CTNNA2: variants seen among roughly 807,000 people sequenced by gnomAD.
CTNNA2 encodes the protein catenin alpha-2.
A neutral mutation model predicts 101.0 loss-of-function variants in CTNNA2; 42 were observed. That is an observed-to-expected ratio of 0.42 (90% CI 0.32 to 0.54). The LOEUF (loss-of-function observed/expected upper bound fraction) is 0.54, where lower values mean the gene tolerates loss of function less well. Ranked by LOEUF, CTNNA2 falls within the 20% of genes least tolerant of loss-of-function variation. The probability of loss-of-function intolerance (pLI) is 0.14; values close to 1 mark genes in which losing one functional copy is unlikely to be tolerated. For synonymous variants in CTNNA2, 450 were observed against 456.4 expected (o/e 0.99, Z 0.18); for missense variants, 871 against 1,223.1 (o/e 0.71, Z 4.29).
intron 9 of CTNNA2, among the ~76,000 whole-genome samples, chr2:80,533,837 C>T (rs529479470): frequency 9.9e-5 from 15 of 152,268 alleles, no homozygotes; most frequent in African/African-American, 3.6e-4. Context: ...ATTAAAAGGG[C>T]ATTACATTCC....
intron 9 of CTNNA2, among the ~76,000 whole-genome samples, chr2:80,478,769 G>C (rs1685917877): frequency 6.6e-6 from 1 of 151,950 alleles, no homozygotes; most frequent in Admixed American, 6.6e-5. Flanking sequence ...AGCTGTTTTG[G>C]TTACTATAGC....
intron 2 of CTNNA2, among the ~76,000 whole-genome samples, chr2:79,267,185 C>G (rs1674997237): frequency 6.6e-6 from 1 of 152,080 alleles, no homozygotes; most frequent in Non-Finnish European, 1.5e-5. Context: ...GCAGCCTTCT[C>G]TTGCCTGGAG....
intron 7 of CTNNA2, among the ~76,000 whole-genome samples, chr2:80,076,021 A>G (rs1428547172): frequency 6.6e-6 from 1 of 151,696 alleles, no homozygotes; most frequent in African/African-American, 2.4e-5. Flanking sequence ...TGGAACCATA[A>G]GAAATAAATA....
intron 9 of CTNNA2, among the ~76,000 whole-genome samples, chr2:80,469,534 T>G (rs1051970345): frequency 2.0e-5 from 3 of 152,212 alleles, no homozygotes; most frequent in Admixed American, 1.3e-4. Flanking sequence ...TAGACACTAG[T>G]AGCTAGTAGA....
chr2:79,889,989 A>T (rs963803266), intron 6 of CTNNA2, among the ~76,000 whole-genome samples: 3 of 152,212 alleles, frequency 2.0e-5, no homozygotes, highest in African/African-American at 7.2e-5. Flanking sequence ...TCTTGGTGTA[A>T]GAGTGATTCT....
chr2:79,487,823 A>G (rs1444009976), intron 4 of CTNNA2, among the ~76,000 whole-genome samples: 1 of 152,220 alleles, frequency 6.6e-6, no homozygotes, highest in Non-Finnish European at 1.5e-5. Flanking sequence ...TTAAGCCACC[A>G]TGTTTTGGGA....
intron 2 of CTNNA2, among the ~76,000 whole-genome samples, chr2:79,302,804 A>G (rs1226072153): frequency 6.6e-6 from 1 of 152,200 alleles, no homozygotes; most frequent in Non-Finnish European, 1.5e-5. Context: ...CCATAATAAT[A>G]AAATTTGCCA....
At chr2:80,519,648 C>A (rs1442509363) in intron 9 of CTNNA2, among the ~76,000 whole-genome samples, 1 of 152,206 alleles carries the variant, frequency 6.6e-6, no homozygotes, top group African/African-American at 2.4e-5. Flanking sequence ...CTGAATTCCA[C>A]GTCCTAGAAA....
At chr2:79,512,696 G>T (rs978921665), upstream of CTNNA2, among the ~76,000 whole-genome samples, 4 of 151,702 alleles carry the variant, frequency 2.6e-5, no homozygotes, top group South Asian at 8.3e-4. Flanking sequence ...TGCGCCCTAC[G>T]GCGGTGCCCC....
chr2:80,072,509 T>C (rs377462946), intron 7 of CTNNA2, among the ~76,000 whole-genome samples: 1 of 152,228 alleles, frequency 6.6e-6, no homozygotes, highest in East Asian at 1.9e-4. Context: ...CTGTTTCTCC[T>C]GTCACATATT....
intron 7 of CTNNA2, among the ~76,000 whole-genome samples, chr2:80,256,021 T>A (rs1043603534): frequency 6.6e-6 from 1 of 152,068 alleles, no homozygotes; most frequent in Non-Finnish European, 1.5e-5. Flanking sequence ...AAATGAAGCT[T>A]TTTCATTGTG....
At position 80,279,789 on chromosome 2, in the gene CTNNA2, G is replaced by A. The variant is rs193036106; in HGVS notation, c.1057-113422G>A. ...AATGCATGGAGATTTCTATGTCATG[G>A]CCTGGGCTCCTGGGAGATTTCCCTG... On this transcript the variant is annotated intron_variant, in intron 7 of 18. Coordinates refer to ENST00000402739, the MANE Select transcript of CTNNA2 (RefSeq NM_001282597.3). Among the ~76,000 whole-genome samples, 375 of 152,216 alleles carry A rather than the reference G, an allele frequency of 2.5e-3. 2 individuals carry two copies. Among genetic ancestry groups the A allele is most frequent in the African/African-American group, 8.5e-3 (351 of 41,538 alleles).
At chr2:80,321,132 A>T (rs1294986240) in intron 7 of CTNNA2, among the ~76,000 whole-genome samples, 1 of 152,244 alleles carries the variant, frequency 6.6e-6, no homozygotes, top group East Asian at 1.9e-4. Flanking sequence ...CCACCTGTAA[A>T]AATGACTGAA....
chr2:79,295,652 T>C (rs1225712082), intron 2 of CTNNA2, among the ~76,000 whole-genome samples: 1 of 152,102 alleles, frequency 6.6e-6, no homozygotes, highest in Admixed American at 6.6e-5. Flanking sequence ...TGGCAGATGC[T>C]GATGTGTTAG....
rs1459524995 is a variant in CTNNA2, at chr2:79,469,047, G to A, written c.-134-36007G>A. Among the ~76,000 whole-genome samples the A allele has an allele frequency of 3.9e-5, 6 of 152,152 alleles. No homozygotes were observed. The South Asian group carries it at 8.3e-4, about 21-fold the overall frequency. On this transcript the variant is annotated intron_variant, in intron 4 of 21. Transcript: ENST00000466387. ...CTAAGATCAGAGCAGAACTGAAGGA[G>A]ACAGAGACACAAAAAACCCTTCAAA...
At position 80,560,251 on chromosome 2, in the gene CTNNA2, T is replaced by C. The variant is rs1374564439; in HGVS notation, c.1741+4358T>C. ...TTTTTCGTTTTACAACATTTCTATA[T>C]ATTTTTGCTTAGAAAGTATAAAAGG... On this transcript the variant is annotated intron_variant, in intron 12 of 18. Transcript: ENST00000402739. Among the ~76,000 whole-genome samples the C allele has an allele frequency of 3.3e-5, 5 of 152,212 alleles. No homozygotes were observed. In the East Asian group the frequency reaches 7.7e-4, roughly 24 times the overall value.
intron 7 of CTNNA2, among the ~76,000 whole-genome samples, chr2:80,295,178 T>C (rs534250019): frequency 6.3e-4 from 95 of 151,638 alleles, no homozygotes; most frequent in African/African-American, 2.2e-3. Context: ...CTAATATCCA[T>C]TGTGGCCACT....
At chr2:79,975,634 G>A (rs1167881870) in intron 7 of CTNNA2, among the ~76,000 whole-genome samples, 3 of 152,118 alleles carry the variant, frequency 2.0e-5, no homozygotes, top group African/African-American at 4.8e-5. Flanking sequence ...CCTCAGGTCC[G>A]ATTAATTTGC....
At chr2:80,236,705 T>C (rs571834450) in intron 7 of CTNNA2, among the ~76,000 whole-genome samples, 63 of 152,294 alleles carry the variant, frequency 4.1e-4, no homozygotes, top group Middle Eastern at 6.8e-3. Context: ...AACTTGAACT[T>C]GCTTTTATTT....
Sources: allele counts gnomAD v4.1 joint callset (sites outside exome capture counted in the v4.1 genomes callset), GRCh38; gene constraint gnomAD v4.1.1; transcripts MANE v1.5; gene names NCBI Gene and HGNC (gene_info 2026-07-23, HGNC 2026-07-21).